The following SLC25A40 variants were observed in gnomAD, a reference collection of about 807,000 sequenced individuals.
SLC25A40 encodes the protein solute carrier family 25 member 40, also known as mitochondrial glutathione transporter SLC25A40.
Under a neutral mutation model 46.5 loss-of-function variants are expected in SLC25A40, and 41 were observed. That is an observed-to-expected ratio of 0.88 (90% CI 0.69 to 1.14). The LOEUF (loss-of-function observed/expected upper bound fraction) is 1.14, where lower values mean the gene tolerates loss of function less well. SLC25A40 is among the 50% of genes most tolerant of loss of function. SLC25A40 has a pLI of 0.00. For synonymous variants in SLC25A40, 126 were observed against 127.5 expected, an observed-to-expected ratio of 0.99 and a Z score of 0.08; for missense variants, 386 against 393.6, an observed-to-expected ratio of 0.98 and a Z score of 0.16.
At position 87,841,674 on chromosome 7, in the gene SLC25A40, GT is replaced by G; in HGVS notation, c.781del (p.Thr261HisfsTer26). On this transcript the variant is annotated frameshift_variant, in exon 10 of 12. Transcript: ENST00000341119. LOFTEE classifies it high-confidence loss of function. ...TGTCCAAAGTTGTGTCTGCTTTTGTGTTTTTACTACATCAAATGGTAAAGTT... is the reference window on the plus strand; with the variant it reads ...TGTCCAAAGTTGTGTCTGCTTTTGTGTTTTACTACATCAAATGGTAAAGTT... Reference protein sequence around the residue: ...VATLPFDVVKTQKQTQLWTYE... With the variant: ...VATLPFDVVKXQKQTQLWTYE... 6.5e-7 allele frequency: 1 copy of G among 1,527,414 alleles called. No homozygotes were observed. The highest frequency in any genetic ancestry group is 8.8e-7 in the Non-Finnish European group (1 of 1,136,236). 94.6% of individuals were successfully genotyped at this position (1,527,414 alleles called of 1,614,324 possible).
intron 1 of SLC25A40, among the ~76,000 whole-genome samples, chr7:87,870,166 T>C (rs573079214): frequency 3.3e-4 from 50 of 151,794 alleles, no homozygotes; most frequent in African/African-American, 1.1e-3. Flanking sequence ...TGAGTTATAA[T>C]AATTCTTCAT....
intron 6 of SLC25A40, among the ~76,000 whole-genome samples, chr7:87,849,006 T>C (rs1838465521): frequency 6.6e-6 from 1 of 152,240 alleles, no homozygotes; most frequent in Admixed American, 6.5e-5. Context: ...AAAGCCAAGT[T>C]ATTATTTTAC....
rs1436135926 is a variant in SLC25A40, at chr7:87,858,689, C to A, written c.39G>T (p.Val13=). 1 of 1,613,050 alleles carries A rather than the reference C, an allele frequency of 6.2e-7. No homozygotes were observed. The highest frequency in any genetic ancestry group is 2.2e-5 in the East Asian group (1 of 44,880). Residue 13 remains valine (V), a synonymous_variant, in exon 3 of 12, where the codon GTG becomes GTT. Transcript: ENST00000341119. ...AGGCAAGCATTTGTTGAAGAGGTGT[C>A]ACTTTGATAATCTCTTGTCCCCTTG... ...PETRGQEIIK[V]TPLQQMLASC...
rs140625851 is a variant in SLC25A40 at position 87,840,909 on chromosome 7, T to C, written c.823+724A>G. Among the ~76,000 whole-genome samples, 710 of 151,918 alleles carry C rather than the reference T, an allele frequency of 4.7e-3. 4 individuals are homozygous for C. Among genetic ancestry groups the C allele is most frequent in the African/African-American group, 0.016 (682 of 41,530 alleles). ...TATTATAATCATGGGTAGAAGAATT[T>C]TTATTTACATTATAATAGTCTTATC... On this transcript the variant is annotated intron_variant, in intron 10 of 11. Coordinates refer to ENST00000341119, the MANE Select transcript of SLC25A40 (RefSeq NM_018843.4).
intron 6 of SLC25A40, among the ~76,000 whole-genome samples, chr7:87,848,228 A>T (rs569840658): frequency 2.6e-5 from 4 of 152,330 alleles, no homozygotes; most frequent in African/African-American, 9.6e-5. Flanking sequence ...TTGTAAAGAC[A>T]GTTACAATAA....
At chr7:87,858,085 C>T (rs1838642697) in intron 3 of SLC25A40, among the ~76,000 whole-genome samples, 1 of 152,212 alleles carries the variant, frequency 6.6e-6, no homozygotes, top group Admixed American at 6.5e-5. Flanking sequence ...TACCCTCAGG[C>T]TTACTAGGAT....
chr7:87,852,844 G>T (rs1838538651), intron 5 of SLC25A40, among the ~76,000 whole-genome samples: 1 of 152,132 alleles, frequency 6.6e-6, no homozygotes, highest in African/African-American at 2.4e-5. Flanking sequence ...CTCAACCACA[G>T]TCTCATGCCC....
intron 3 of SLC25A40, among the ~76,000 whole-genome samples, chr7:87,857,827 A>G (rs561593726): frequency 8.3e-4 from 126 of 152,274 alleles, no homozygotes; most frequent in Non-Finnish European, 1.6e-3. Flanking sequence ...AAGGGAAGAC[A>G]ACCATAAGGT....
At chr7:87,847,189 G>GTTTACTCACATA in intron 7 of SLC25A40, 67 bp from the exon 8 acceptor site, 2 of 1,158,756 alleles carry the variant, frequency 1.7e-6, no homozygotes, top group Non-Finnish European at 2.3e-6. Context: ...CACATATACT[G>GTTTACTCACATA]TAAAAATTAA....
rs1366983387 is a variant in SLC25A40, at chr7:87,847,799, T to C, written c.457+54A>G. ...ACAAATTATCTGTGAATGTCACAACTTAAACAGAAGCTCTAAACAGAAATC... is the reference window on the plus strand; with the variant it reads ...ACAAATTATCTGTGAATGTCACAACCTAAACAGAAGCTCTAAACAGAAATC... On this transcript the variant is annotated intron_variant, in intron 7 of 11. Coordinates refer to ENST00000341119, the MANE Select transcript of SLC25A40 (RefSeq NM_018843.4). The C allele has an allele frequency of 1.9e-6, 3 of 1,550,944 alleles. No individual in the cohort carries two copies. In the African/African-American group the frequency reaches 4.2e-5, roughly 22 times the overall value.
chr7:87,865,400 C>G (rs1346289553), intron 1 of SLC25A40, among the ~76,000 whole-genome samples: 2 of 152,194 alleles, frequency 1.3e-5, no homozygotes, highest in Non-Finnish European at 2.9e-5. Context: ...GTAGCTATCA[C>G]AGTTTTTAAC....
intron 8 of SLC25A40, among the ~76,000 whole-genome samples, chr7:87,846,730 C>A (rs908280372): frequency 2.0e-5 from 3 of 150,854 alleles, no homozygotes; most frequent in African/African-American, 7.3e-5. Flanking sequence ...TGTAGAAAAG[C>A]AAATTAATCA....
At chr7:87,847,291 A>G (rs530691860) in intron 7 of SLC25A40, among the ~76,000 whole-genome samples, 169 bp from the exon 8 acceptor site, 1 of 152,316 alleles carries the variant, frequency 6.6e-6, no homozygotes, top group Non-Finnish European at 1.5e-5. Context: ...ATTGCCACAG[A>G]TTTTTCCCTT....
chr7:87,836,328 G>A lies in SLC25A40; in HGVS notation c.938C>T (p.Ala313Val), dbSNP rs770221466. The A allele has an allele frequency of 6.4e-7, 1 of 1,558,244 alleles. No individual in the cohort carries two copies. ...LIPRLIKIAP[A>V]CAIMISTYEF... ...ATATGTACTGATCATAATGGCACAA[G>A]CAGGAGCAATTTTAATTAAGCGAGG... Residue 313 changes from alanine (A) to valine (V), a missense_variant, in exon 12 of 12, where the codon GCT becomes GTT. By Grantham distance (64) the Ala-to-Val change is moderately conservative. Coordinates refer to ENST00000341119, the MANE Select transcript of SLC25A40 (RefSeq NM_018843.4).
intron 5 of SLC25A40, 55 bp downstream of exon 5, chr7:87,854,149 C>A: frequency 8.5e-7 from 1 of 1,174,580 alleles, no homozygotes; most frequent in Admixed American, 1.8e-5. Flanking sequence ...AAATATTTCA[C>A]ATATAAGATT....
intron 1 of SLC25A40, among the ~76,000 whole-genome samples, chr7:87,875,393 C>G (rs1838978058): frequency 6.6e-6 from 1 of 152,156 alleles, no homozygotes; most frequent in Admixed American, 6.5e-5. Context: ...CTTGTCTATT[C>G]TTTAAGGTAC....
At chr7:87,857,966 C>A (rs1465570363) in intron 3 of SLC25A40, among the ~76,000 whole-genome samples, 2 of 152,098 alleles carry the variant, frequency 1.3e-5, no homozygotes, top group African/African-American at 4.8e-5. Flanking sequence ...ATAATTCATA[C>A]CCTGGGGAAG....
intron 10 of SLC25A40, 155 bp from the exon 11 acceptor site, chr7:87,836,965 T>A: frequency 2.5e-6 from 1 of 405,142 alleles, no homozygotes; most frequent in Non-Finnish European, 4.4e-6. Context: ...GTTTTATTTT[T>A]AATAGTTAGA....
Position 87,857,749 on chromosome 7 carries a change from T to C in SLC25A40, c.97+882A>G, listed in dbSNP as rs570406647. ...AACTGTACAAATTGATTGTAAAACA[T>C]GTATGTTTGAACAATATGAAATAAG... On this transcript the variant is annotated intron_variant, in intron 3 of 11. Transcript: ENST00000341119. Among the ~76,000 whole-genome samples, 36 of 152,308 alleles carry C rather than the reference T, an allele frequency of 2.4e-4. 1 individual carries two copies. Among genetic ancestry groups the C allele is most frequent in the African/African-American group, 8.4e-4 (35 of 41,556 alleles).
Sources: gnomAD v4.1 joint callset for allele counts (sites outside exome capture counted in the v4.1 genomes callset) on GRCh38, gnomAD v4.1.1 for gene constraint, MANE v1.5 for transcripts, NCBI Gene and HGNC (gene_info 2026-07-23, HGNC 2026-07-21) for gene names.